SYNPR: variants seen among roughly 807,000 people sequenced by gnomAD.
SYNPR encodes synaptoporin.
Under a neutral mutation model 32.9 loss-of-function variants are expected in SYNPR, and 23 were observed. The observed-to-expected ratio is 0.70, with a 90% CI of 0.50 to 0.99. SYNPR has a LOEUF of 0.99. Among genes scored for constraint, SYNPR ranks in the 50% least tolerant of loss-of-function variants. SYNPR has a pLI of 0.00. For synonymous variants in SYNPR, 146 were observed against 135.9 expected (o/e 1.07, Z -0.52); for missense variants, 318 against 349.3 (o/e 0.91, Z 0.71).
intron 2 of SYNPR, among the ~76,000 whole-genome samples, chr3:63,466,045 C>G (rs1042048491): frequency 1.1e-4 from 17 of 152,154 alleles, no homozygotes; most frequent in Admixed American, 3.3e-4. Flanking sequence ...TTTTCCTGAT[C>G]CTCTCTCTCC....
intron 3 of SYNPR, among the ~76,000 whole-genome samples, chr3:63,503,627 G>A (rs929655804): frequency 6.6e-6 from 1 of 151,970 alleles, no homozygotes; most frequent in African/African-American, 2.4e-5. Flanking sequence ...AGGAGGTAGG[G>A]TTTAGTCATC....
At position 63,519,309 on chromosome 3, in the gene SYNPR, G is replaced by A. The variant is rs527360064; in HGVS notation, c.210-37234G>A. On this transcript the variant is annotated intron_variant, in intron 3 of 5. Transcript: ENST00000478300. ...CATATAATTGTGAAACCATGAAAGA[G>A]TCATTCATCCTTTCTTAATCTCATC... 5.9e-5 allele frequency among the ~76,000 whole-genome samples: 9 copies of A among 152,232 alleles called. No homozygotes were observed. The East Asian group carries it at 1.2e-3, about 20-fold the overall frequency.
At chr3:63,275,818 G>A (rs2086569604), upstream of SYNPR, among the ~76,000 whole-genome samples, 1 of 152,116 alleles carries the variant, frequency 6.6e-6, no homozygotes, top group South Asian at 2.1e-4. Flanking sequence ...AATAATTATC[G>A]TTATTAAGCA....
chr3:63,324,909 A>G (rs1426703001), intron 2 of SYNPR, among the ~76,000 whole-genome samples: 1 of 152,058 alleles, frequency 6.6e-6, no homozygotes, highest in Non-Finnish European at 1.5e-5. Flanking sequence ...CACAAGCAAG[A>G]GGCACATGTT....
intron 2 of SYNPR, among the ~76,000 whole-genome samples, chr3:63,306,770 A>T (rs555472103): frequency 6.6e-6 from 1 of 152,170 alleles, no homozygotes; most frequent in South Asian, 2.1e-4. Flanking sequence ...CTTGGGAGGC[A>T]GGTGAAGTTA....
At chr3:63,285,589 G>A (rs1289253376) in intron 2 of SYNPR, among the ~76,000 whole-genome samples, 1 of 152,156 alleles carries the variant, frequency 6.6e-6, no homozygotes, top group Non-Finnish European at 1.5e-5. Flanking sequence ...GAATCAATAA[G>A]TGCACAACAA....
intron 2 of SYNPR, among the ~76,000 whole-genome samples, chr3:63,323,028 C>T (rs1406040021): frequency 6.6e-6 from 1 of 152,036 alleles, no homozygotes; most frequent in Non-Finnish European, 1.5e-5. Context: ...GAAGATAAGA[C>T]TTTAAGCTCC....
chr3:63,336,519 C>CAAAAAAA (rs3082131), intron 2 of SYNPR, among the ~76,000 whole-genome samples: 35 of 48,826 alleles, frequency 7.2e-4, no homozygotes, highest in South Asian at 1.9e-3. Context: ...CATTCCCATG[C>CAAAAAAA]AAAAAAAAAA....
intron 4 of SYNPR, among the ~76,000 whole-genome samples, chr3:63,606,416 TC>T (rs1700120692): frequency 1.6e-5 from 2 of 126,682 alleles, no homozygotes; most frequent in African/African-American, 7.6e-5. Context: ...TCAAATCCTT[TC>T]TTTTTTTTTT....
chr3:63,515,403 C>T (rs747793321), intron 3 of SYNPR, among the ~76,000 whole-genome samples: 1 of 152,078 alleles, frequency 6.6e-6, no homozygotes, highest in African/African-American at 2.4e-5. Flanking sequence ...ACACTAGGTG[C>T]TATCCTGGTG....
chr3:63,295,870 T>G (rs1018760318), intron 2 of SYNPR, among the ~76,000 whole-genome samples: 2 of 152,242 alleles, frequency 1.3e-5, no homozygotes, highest in African/African-American at 4.8e-5. Context: ...CCCCATCTAC[T>G]TATGAAACTG....
chr3:63,608,496 C>G (rs981164473), intron 4 of SYNPR, among the ~76,000 whole-genome samples: 2 of 152,182 alleles, frequency 1.3e-5, no homozygotes, highest in Non-Finnish European at 2.9e-5. Flanking sequence ...AAAAACATTA[C>G]AGCTCTTATT....
chr3:63,560,803 G>C (rs75701613), intron 4 of SYNPR, among the ~76,000 whole-genome samples: 23,042 of 151,970 alleles, frequency 0.15, 2,235 homozygotes, highest in South Asian at 0.34. Flanking sequence ...AGAACAGCAG[G>C]GGGGGAACCA....
At chr3:63,430,723 A>G (rs1353934923) in intron 2 of SYNPR, among the ~76,000 whole-genome samples, 2 of 152,166 alleles carry the variant, frequency 1.3e-5, no homozygotes, top group Non-Finnish European at 2.9e-5. Flanking sequence ...CTAGATTCAG[A>G]GCTTATTTTC....
At chr3:63,210,969 C>T in the SYNPR span, among the ~76,000 whole-genome samples, 1 of 152,174 alleles carries the variant, frequency 6.6e-6, no homozygotes, top group East Asian at 1.9e-4. Context: ...ATTTAATATT[C>T]AACAAATAAA....
At chr3:63,400,702 G>T (rs891191388) in intron 2 of SYNPR, among the ~76,000 whole-genome samples, 3 of 152,168 alleles carry the variant, frequency 2.0e-5, no homozygotes, top group Admixed American at 2.0e-4. Flanking sequence ...GGGGAATTAG[G>T]CTCCACCACT....
chr3:63,249,325 A>G (rs1248353275), intron 1 of SYNPR, among the ~76,000 whole-genome samples: 1 of 152,162 alleles, frequency 6.6e-6, no homozygotes, highest in African/African-American at 2.4e-5. Context: ...AGGCACTTCT[A>G]TACAAGATTG....
At chr3:63,343,891 C>G (rs2087402308) in intron 2 of SYNPR, among the ~76,000 whole-genome samples, 1 of 152,220 alleles carries the variant, frequency 6.6e-6, no homozygotes, top group Non-Finnish European at 1.5e-5. Context: ...AGGAAACCTG[C>G]TGTTGCAATT....
At chr3:63,324,744 C>T (rs1418073201) in intron 2 of SYNPR, among the ~76,000 whole-genome samples, 1 of 152,096 alleles carries the variant, frequency 6.6e-6, no homozygotes, top group Non-Finnish European at 1.5e-5. Context: ...GCTCACCAGG[C>T]AGCAAGTTGA....
Sources: allele counts gnomAD v4.1 joint callset (sites outside exome capture counted in the v4.1 genomes callset), GRCh38; gene constraint gnomAD v4.1.1; transcripts MANE v1.5; gene names NCBI Gene and HGNC (gene_info 2026-07-23, HGNC 2026-07-21).